MMP2: variants seen among roughly 807,000 people sequenced by gnomAD.
MMP2 encodes the protein 72 kDa type IV collagenase.
Under a neutral mutation model 74.8 loss-of-function variants are expected in MMP2, and 39 were observed. That is an observed-to-expected ratio of 0.52 (90% CI 0.40 to 0.68). MMP2 has a LOEUF of 0.68. MMP2 is among the 30% of genes least tolerant of loss of function. MMP2 has a pLI of 0.00. For synonymous variants in MMP2, 367 were observed against 339.8 expected, an observed-to-expected ratio of 1.08 and a Z score of -0.88; for missense variants, 803 against 878.3, an observed-to-expected ratio of 0.91 and a Z score of 1.08.
chr16:55,484,205 AGTG>A (rs1962182780), intron 3 of MMP2, 41 bp downstream of exon 3: 1 of 1,605,030 alleles, frequency 6.2e-7, no homozygotes, highest in Admixed American at 1.7e-5. Context: ...AGCAGGGATC[AGTG>A]TTGAGACGAG....
At chr16:55,488,521 T>A (rs754274471) in intron 5 of MMP2, 22 bp from the exon 6 acceptor site, 2 of 1,611,966 alleles carry the variant, frequency 1.2e-6, no homozygotes, top group Admixed American at 1.7e-5. Flanking sequence ...TTCACATCCT[T>A]CCCTCTCTCC....
At chr16:55,499,056 C>T (rs1209272747) in intron 11 of MMP2, among the ~76,000 whole-genome samples, 3 of 151,252 alleles carry the variant, frequency 2.0e-5, no homozygotes, top group African/African-American at 4.9e-5. Context: ...GCAATCCCAG[C>T]TACTAGGGAG....
At position 55,479,285 on chromosome 16, in the gene MMP2, CG is replaced by C; in HGVS notation, c.-193del. ...AAGGGATTGCCAGGACCTGCGGCGG[CG>C]GCGGCGGCGGCGGGGGCTGGGGCGC... On this transcript the variant is annotated 5_prime_UTR_variant, in exon 1 of 13. Transcript: ENST00000219070. The C allele has an allele frequency of 2.2e-6, 1 of 449,286 alleles. No homozygotes were observed. Among genetic ancestry groups the C allele is most frequent in the Non-Finnish European group, 3.5e-6 (1 of 289,076 alleles). The allele number at this position is 449,286 out of a possible 1,614,324, so 27.8% of individuals were successfully genotyped here.
chr16:55,505,677 C>A lies in MMP2; in HGVS notation c.*235C>A. The A allele has an allele frequency of 5.1e-6, 3 of 584,254 alleles. No individual in the cohort carries two copies. The highest frequency in any genetic ancestry group is 9.2e-6 in the Non-Finnish European group (3 of 326,454). The allele number at this position is 584,254 out of a possible 1,614,324, so 36.2% of individuals were successfully genotyped here. On this transcript the variant is annotated 3_prime_UTR_variant, in exon 13 of 13. Coordinates refer to ENST00000219070, the MANE Select transcript of MMP2 (RefSeq NM_004530.6). ...CCCCTTCCCCCTCCAATCCCACCAA[C>A]CCTCAGAGCCACCCCTAAAGAGATA...
chr16:55,482,750 T>G (rs1171355410), intron 1 of MMP2, among the ~76,000 whole-genome samples, 159 bp from the exon 2 acceptor site: 8 of 152,136 alleles, frequency 5.3e-5, no homozygotes, highest in Admixed American at 3.9e-4. Flanking sequence ...CCGTGCTGGT[T>G]TGGGAACCCA....
Position 55,505,587 on chromosome 16 carries a change from AAGATTCC to A in MMP2, c.*149_*155del, listed in dbSNP as rs1448145280. 1.4e-6 allele frequency: 1 copy of A among 724,432 alleles called. No individual in the cohort carries two copies. The highest frequency in any genetic ancestry group is 2.5e-6 in the Non-Finnish European group (1 of 407,524). The allele number at this position is 724,432 out of a possible 1,614,324, so 44.9% of individuals were successfully genotyped here. A position where few individuals can be genotyped will look rare whatever the true frequency, so the allele number is the denominator to read the frequency against. ...CATTCTCACTCCTACCTGGTAATTT[AAGATTCC>A]AGAGAGTGGCTCCTCCCGGTGCCCA... is the stretch of plus-strand genomic sequence containing the variant. On this transcript the variant is annotated 3_prime_UTR_variant, in exon 13 of 13. Coordinates refer to ENST00000219070, the MANE Select transcript of MMP2 (RefSeq NM_004530.6).
At chr16:55,499,348 A>C (rs762454479) in intron 11 of MMP2, among the ~76,000 whole-genome samples, 7 of 152,088 alleles carry the variant, frequency 4.6e-5, no homozygotes, top group Non-Finnish European at 1.0e-4. Flanking sequence ...AGATGGGGGA[A>C]CATGAAGGCA....
chr16:55,502,739 AG>A (rs770138254), intron 11 of MMP2, 39 bp from the exon 12 acceptor site: 8 of 1,568,350 alleles, frequency 5.1e-6, no homozygotes, highest in Non-Finnish European at 7.0e-6. Flanking sequence ...AGTGTCCTTT[AG>A]AGAGGCCCTG....
chr16:55,489,079 T>C (rs1411854611), intron 6 of MMP2, among the ~76,000 whole-genome samples: 1 of 152,210 alleles, frequency 6.6e-6, no homozygotes, highest in Non-Finnish European at 1.5e-5. Context: ...TTTCCTGGTC[T>C]GTATCTCCAC....
Position 55,488,735 on chromosome 16 carries a change from C to G in MMP2, c.1006+19C>G, listed in dbSNP as rs373522816. ...GAGACCGGTGGGTGCCACTCCCTCT[C>G]CCTCCCTCAGGGCCCAGCACCTGCT... On this transcript the variant is annotated intron_variant, in intron 6 of 12. Transcript: ENST00000219070. 2.8e-4 allele frequency: 448 copies of G among 1,576,232 alleles called. No individual in the cohort carries two copies. The highest frequency in any genetic ancestry group is 3.7e-4 in the Non-Finnish European group (432 of 1,163,962).
chr16:55,489,742 C>T lies in MMP2; in HGVS notation c.1098C>T (p.Ala366=), dbSNP rs16955236. 15,111 of 1,614,142 alleles carry T rather than the reference C, an allele frequency of 9.4e-3. 191 individuals carry two copies. The highest frequency in any genetic ancestry group is 0.056 in the African/African-American group (4,231 of 75,010). ...ACAAATATGAGAGCTGCACCAGCGC[C>T]GGCCGCAGTGACGGAAAGATGTGGT... is the stretch of plus-strand genomic sequence containing the variant. The part of the protein sequence containing the change: ...LGNKYESCTS[A]GRSDGKMWCA... Residue 366 remains alanine, a synonymous_variant, in exon 7 of 13, where the codon GCC becomes GCT. Coordinates refer to ENST00000219070, the MANE Select transcript of MMP2 (RefSeq NM_004530.6).
intron 9 of MMP2, among the ~76,000 whole-genome samples, chr16:55,496,567 G>A (rs1482466230): frequency 6.6e-6 from 1 of 152,100 alleles, no homozygotes; most frequent in Non-Finnish European, 1.5e-5. Flanking sequence ...GCCCCAATTG[G>A]CCTCTAATCA....
Position 55,496,956 on chromosome 16 carries a change from C to G in MMP2, c.1503C>G (p.Asp501Glu). The G allele has an allele frequency of 3.1e-6, 5 of 1,614,160 alleles. No individual in the cohort carries two copies. The highest frequency in any genetic ancestry group is 4.2e-6 in the Non-Finnish European group (5 of 1,180,036). ...RFIWRTVTPR[D>E]KPMGPLLVAT... ...TTTGGCGGACTGTGACGCCACGTGA[C>G]AAGCCCATGGGGCCCCTGCTGGTGG... is the stretch of plus-strand genomic sequence containing the variant. The change falls in exon 10 of 13, where the codon GAC (aspartate) becomes GAG (glutamate). Residue 501 changes from aspartate to glutamate, a missense_variant. Around this residue, in one of 3 missense-constraint regions of MMP2, gnomAD observed 555 missense variants for 592.0 expected, o/e 0.94. Transcript: ENST00000219070.
At chr16:55,496,864 T>A in intron 9 of MMP2, 62 bp from the exon 10 acceptor site, 2 of 1,605,496 alleles carry the variant, frequency 1.2e-6, no homozygotes, top group Non-Finnish European at 1.7e-6. Context: ...TGGGGGTGTG[T>A]GTGGTTCGAG....
At chr16:55,501,625 G>C (rs993999689) in intron 11 of MMP2, among the ~76,000 whole-genome samples, 7 of 152,204 alleles carry the variant, frequency 4.6e-5, no homozygotes, top group Non-Finnish European at 7.3e-5. Context: ...CTGGGATTAA[G>C]GAAGGCGTTA....
At position 55,481,073 on chromosome 16, in the gene MMP2, G is replaced by A. The variant is rs17859843; in HGVS notation, c.153+1441G>A. Among the ~76,000 whole-genome samples the A allele has an allele frequency of 3.8e-3, 571 of 152,240 alleles. 4 individuals carry two copies. The highest frequency in any genetic ancestry group is 0.013 in the African/African-American group (550 of 41,526). ...CTTGCACAGGAAGGAATTCAAGAGC[G>A]AGCCAACAGAGTAAAGTGAAAACAA... On this transcript the variant is annotated intron_variant, in intron 1 of 12. Coordinates refer to ENST00000219070, the MANE Select transcript of MMP2 (RefSeq NM_004530.6).
intron 8 of MMP2, among the ~76,000 whole-genome samples, chr16:55,492,430 T>A (rs1207791414): frequency 7.8e-4 from 2 of 2,572 alleles, no homozygotes; most frequent in Non-Finnish European, 2.3e-3. Context: ...AAGCCAATTA[T>A]TTATTTATTT....
intron 1 of MMP2, among the ~76,000 whole-genome samples, chr16:55,480,280 G>C (rs1962064946): frequency 6.6e-6 from 1 of 152,204 alleles, no homozygotes; most frequent in Non-Finnish European, 1.5e-5. Context: ...TGGGGCAGGA[G>C]GGAAGCAGAG....
Position 55,493,299 on chromosome 16 carries a change from T to C in MMP2, c.1472+6T>C. ...ATCTTCTTCTTCAAGGACCGGTGAG[T>C]GCAGGAGCTTGCTTCTTGTCCTCCT... On this transcript the variant is annotated splice_donor_region_variant and intron_variant, in intron 9 of 12. Transcript: ENST00000219070. 6.2e-7 allele frequency: 1 copy of C among 1,614,088 alleles called. No individual in the cohort carries two copies.
Sources: allele counts gnomAD v4.1 joint callset (sites outside exome capture counted in the v4.1 genomes callset), GRCh38; gene constraint gnomAD v4.1.1; regional missense constraint gnomAD v4.1.1; transcripts MANE v1.5; gene names NCBI Gene and HGNC (gene_info 2026-07-23, HGNC 2026-07-21).